ATRNL1: variants seen among roughly 807,000 people sequenced by gnomAD.
ATRNL1 encodes attractin like 1.
A neutral mutation model predicts 182.7 loss-of-function variants in ATRNL1; 95 were observed. That is an observed-to-expected ratio of 0.52 (90% CI 0.44 to 0.62). The LOEUF (loss-of-function observed/expected upper bound fraction) is 0.62, where lower values mean the gene tolerates loss of function less well. Ranked by LOEUF, ATRNL1 falls within the 20% of genes least tolerant of loss-of-function variation. The probability of loss-of-function intolerance (pLI) is 0.00; values close to 1 mark genes in which losing one functional copy is unlikely to be tolerated. For synonymous variants in ATRNL1, 576 were observed against 568.3 expected (o/e 1.01, Z -0.19); for missense variants, 1,471 against 1,679.5 (o/e 0.88, Z 2.17).
At chr10:115,126,810 C>T (rs1251106288) in intron 3 of ATRNL1, among the ~76,000 whole-genome samples, 1 of 152,106 alleles carries the variant, frequency 6.6e-6, no homozygotes, top group African/African-American at 2.4e-5. Flanking sequence ...TCACCAATTG[C>T]ATGTTTTCAT....
chr10:115,602,910 T>C (rs11197336), intron 26 of ATRNL1, among the ~76,000 whole-genome samples: 74,347 of 150,996 alleles, frequency 0.49, 19,231 homozygotes, highest in African/African-American at 0.6. Context: ...GATAATTTGC[T>C]AGAATGACTC....
chr10:115,139,299 A>G (rs1200123634), intron 5 of ATRNL1, among the ~76,000 whole-genome samples: 1 of 152,170 alleles, frequency 6.6e-6, no homozygotes, highest in Non-Finnish European at 1.5e-5. Flanking sequence ...ATTTTCGGGT[A>G]TCTTTTCAGC....
intron 21 of ATRNL1, among the ~76,000 whole-genome samples, chr10:115,455,837 A>G (rs1470282850): frequency 3.3e-5 from 5 of 152,180 alleles, no homozygotes; most frequent in African/African-American, 1.2e-4. Context: ...ATATGAACAG[A>G]CACTTCTCAC....
Position 115,624,988 on chromosome 10 carries a change from T to G in ATRNL1, c.3795+75452T>G, listed in dbSNP as rs1262175989. Among the ~76,000 whole-genome samples, 3 of 152,134 alleles carry G rather than the reference T, an allele frequency of 2.0e-5. 1 individual carries two copies. The highest frequency in any genetic ancestry group is 4.4e-5 in the Non-Finnish European group (3 of 68,020). On this transcript the variant is annotated intron_variant, in intron 26 of 28. Transcript: ENST00000355044. Reference sequence around the variant, plus strand: ...TTAGTTTACTATCATAATACTAAATTAAAACCAAAGCAGGTATGGCCTTTA... The same window carrying G: ...TTAGTTTACTATCATAATACTAAATGAAAACCAAAGCAGGTATGGCCTTTA...
At chr10:115,367,013 C>T (rs1438350363) in intron 19 of ATRNL1, among the ~76,000 whole-genome samples, 4 of 133,528 alleles carry the variant, frequency 3.0e-5, no homozygotes, top group East Asian at 4.0e-4. Flanking sequence ...TTGCTCTTCT[C>T]GAGGAGTATC....
intron 28 of ATRNL1, among the ~76,000 whole-genome samples, chr10:115,928,171 C>T (rs1458761107): frequency 6.6e-6 from 1 of 152,000 alleles, no homozygotes; most frequent in Admixed American, 6.6e-5. Flanking sequence ...AGTCTCGTAT[C>T]TTACATCTAT....
intron 22 of ATRNL1, among the ~76,000 whole-genome samples, chr10:115,464,930 A>G (rs573998809): frequency 6.6e-6 from 1 of 151,894 alleles, no homozygotes; most frequent in East Asian, 1.9e-4. Flanking sequence ...AAGAAAAAGA[A>G]TATACCCTGT....
intron 20 of ATRNL1, among the ~76,000 whole-genome samples, chr10:115,405,471 T>A (rs1038421293): frequency 6.6e-6 from 1 of 152,194 alleles, no homozygotes; most frequent in Non-Finnish European, 1.5e-5. Context: ...CAGTGTAATC[T>A]CTTTTTATAA....
chr10:115,293,575 A>G (rs1447356288), intron 15 of ATRNL1, among the ~76,000 whole-genome samples: 1 of 151,800 alleles, frequency 6.6e-6, no homozygotes, highest in Admixed American at 6.6e-5. Flanking sequence ...AATTTTGTAT[A>G]TGTTCATTAT....
chr10:115,709,816 G>A (rs1393246771), intron 26 of ATRNL1, among the ~76,000 whole-genome samples: 12 of 152,106 alleles, frequency 7.9e-5, no homozygotes, highest in African/African-American at 2.9e-4. Flanking sequence ...AAGGCCTTTA[G>A]TACCAGTCCA....
chr10:115,326,297 A>C (rs1854877995), intron 18 of ATRNL1, among the ~76,000 whole-genome samples: 1 of 152,154 alleles, frequency 6.6e-6, no homozygotes, highest in Admixed American at 6.5e-5. Context: ...ATAACAGACA[A>C]ACAGAGAGCC....
chr10:115,165,788 A>G (rs1228020187), intron 7 of ATRNL1, 143 bp downstream of exon 7: 7 of 409,292 alleles, frequency 1.7e-5, no homozygotes, highest in Non-Finnish European at 2.6e-5. Context: ...GAGATACCAC[A>G]TACTCTTATG....
chr10:115,543,150 A>G (rs1554992543), intron 25 of ATRNL1, among the ~76,000 whole-genome samples: 1 of 152,148 alleles, frequency 6.6e-6, no homozygotes, highest in Non-Finnish European at 1.5e-5. Flanking sequence ...TGCATTTGAA[A>G]TAATCTTAAC....
chr10:115,629,233 G>T (rs1250411338), intron 26 of ATRNL1, among the ~76,000 whole-genome samples: 1 of 152,132 alleles, frequency 6.6e-6, no homozygotes, highest in Non-Finnish European at 1.5e-5. Context: ...ATATGATACT[G>T]TCTTTACTCT....
chr10:115,581,497 C>A (rs1855077144), intron 26 of ATRNL1, among the ~76,000 whole-genome samples: 1 of 151,882 alleles, frequency 6.6e-6, no homozygotes, highest in Admixed American at 6.6e-5. Context: ...TGGAAGTGCA[C>A]CCATTCAAAA....
intron 9 of ATRNL1, among the ~76,000 whole-genome samples, chr10:115,223,913 G>A (rs868921573): frequency 0.056 from 3,121 of 55,960 alleles, 379 homozygotes; most frequent in African/African-American, 0.22. Context: ...GTGTGTGTGT[G>A]TATATATATA....
chr10:115,129,471 T>A lies in ATRNL1; in HGVS notation c.765T>A (p.Ser255Arg), dbSNP rs782189847. Residue 255 changes from serine to arginine, a missense_variant, in exon 5 of 29, where the codon AGT becomes AGA. Physicochemically the swap from Ser to Arg is moderately radical, Grantham distance 110. This residue lies in a region of ATRNL1 where 1,031 missense variants were observed against 1,156.0 expected (regional missense o/e 0.89). Coordinates refer to ENST00000355044, the MANE Select transcript of ATRNL1 (RefSeq NM_207303.4). ...DIPYCKANCG[S>R]PDHGYCDLTG... ...CTTACTGTAAAGCCAATTGCGGCAG[T>A]CCAGATCACGGTTACTGTGACCTGA... 3 of 1,614,112 alleles carry A rather than the reference T, an allele frequency of 1.9e-6. No homozygotes were observed. Among genetic ancestry groups the A allele is most frequent in the Non-Finnish European group, 2.5e-6 (3 of 1,180,002 alleles).
intron 27 of ATRNL1, among the ~76,000 whole-genome samples, chr10:115,805,288 C>A (rs1949894254): frequency 6.6e-6 from 1 of 152,148 alleles, no homozygotes. Flanking sequence ...CTTGTGAAAG[C>A]AAATTGTGTT....
intron 19 of ATRNL1, among the ~76,000 whole-genome samples, chr10:115,381,640 A>C (rs1477926550): frequency 2.0e-5 from 3 of 151,572 alleles, no homozygotes; most frequent in African/African-American, 7.3e-5. Flanking sequence ...AAATTGCAAA[A>C]ATTTTATTCC....
Sources: allele counts gnomAD v4.1 joint callset (sites outside exome capture counted in the v4.1 genomes callset), GRCh38; gene constraint gnomAD v4.1.1; regional missense constraint gnomAD v4.1.1; transcripts MANE v1.5; gene names NCBI Gene and HGNC (gene_info 2026-07-23, HGNC 2026-07-21).